Variants in OTUD7A observed in about 807,000 individuals in gnomAD.
The protein encoded by OTUD7A is OTU domain-containing protein 7A.
A neutral mutation model predicts 65.7 loss-of-function variants in OTUD7A; 12 were observed. The observed-to-expected ratio is 0.18, with a 90% confidence interval of 0.12 to 0.30. OTUD7A has a LOEUF of 0.30. Among genes scored for constraint, OTUD7A ranks in the 10% least tolerant of loss-of-function variants. OTUD7A has a pLI of 1.00. For synonymous variants in OTUD7A, 641 were observed against 586.3 expected (o/e 1.09, Z -1.35); for missense variants, 1,148 against 1,304.8 (o/e 0.88, Z 1.85).
chr15:31,825,172 T>C (rs570845614), intron 1 of OTUD7A, among the ~76,000 whole-genome samples: 1 of 152,310 alleles, frequency 6.6e-6, no homozygotes, highest in South Asian at 2.1e-4. Context: ...CAGTCAGTCT[T>C]GTTCAGTCTT....
intron 1 of OTUD7A, among the ~76,000 whole-genome samples, chr15:31,779,530 C>G (rs1032973895): frequency 4.1e-4 from 63 of 152,160 alleles, no homozygotes; most frequent in African/African-American, 1.5e-3. Flanking sequence ...TTCCTGTGTA[C>G]AAGGTAATTG....
intron 1 of OTUD7A, among the ~76,000 whole-genome samples, chr15:31,754,969 T>C (rs890301503): frequency 2.6e-5 from 4 of 151,722 alleles, no homozygotes; most frequent in Admixed American, 2.6e-4. Context: ...TCTAGTTGGC[T>C]GGCACAGAAG....
At chr15:31,682,356 C>T (rs1488326393) in intron 1 of OTUD7A, among the ~76,000 whole-genome samples, 2 of 152,160 alleles carry the variant, frequency 1.3e-5, no homozygotes, top group Non-Finnish European at 2.9e-5. Context: ...AGTCAACATT[C>T]CAGCAGGTTT....
chr15:31,656,890 G>C (rs903697333), intron 2 of OTUD7A, 93 bp downstream of exon 2: 7 of 152,534 alleles, frequency 4.6e-5, no homozygotes, highest in Admixed American at 3.3e-4. Context: ...TGTACCCTCA[G>C]AGACATTCAC....
In OTUD7A at chr15:31,487,532, C is replaced by G. The variant is rs2041255567; in HGVS notation, c.1206G>C (p.Leu402=). 1.2e-6 allele frequency: 2 copies of G among 1,613,936 alleles called. No homozygotes were observed. Among genetic ancestry groups the G allele is most frequent in the Non-Finnish European group, 1.7e-6 (2 of 1,180,022 alleles). ...VIPLTDSEHK[L]LPLHFAVDPG... ...GGTCCACTGCAAAGTGCAGAGGCAG[C>G]AGCTTGTGCTCAGAATCCGTCAGGG... is the stretch of plus-strand genomic sequence containing the variant. Residue 402 remains leucine (L), a synonymous_variant, in exon 11 of 13, where the codon CTG becomes CTC. Coordinates refer to ENST00000307050, the MANE Select transcript of OTUD7A (RefSeq NM_001382637.1). The surrounding 1 kb of genome is among the most constrained non-coding windows in gnomAD (Gnocchi z 6.0).
chr15:31,694,205 G>A (rs1019075100), intron 1 of OTUD7A, among the ~76,000 whole-genome samples: 3 of 152,150 alleles, frequency 2.0e-5, no homozygotes, highest in African/African-American at 4.8e-5. Flanking sequence ...CAGCGCAGGT[G>A]TGTGAAGGGT....
chr15:31,799,745 A>G (rs1202016896), intron 1 of OTUD7A, among the ~76,000 whole-genome samples: 1 of 152,116 alleles, frequency 6.6e-6, no homozygotes. Context: ...TGGCAGCCTG[A>G]GCTTACTAAG....
At chr15:31,624,798 G>T (rs1233325452) in intron 3 of OTUD7A, among the ~76,000 whole-genome samples, 1 of 152,160 alleles carries the variant, frequency 6.6e-6, no homozygotes, top group Non-Finnish European at 1.5e-5. Flanking sequence ...TCAGCAAACT[G>T]CACAGAAACA....
chr15:31,770,970 A>G (rs938262726), intron 1 of OTUD7A, among the ~76,000 whole-genome samples: 1 of 152,214 alleles, frequency 6.6e-6, no homozygotes, highest in African/African-American at 2.4e-5. Context: ...GCAAGTGTGC[A>G]TGCTCTGCAC....
At chr15:31,766,367 A>T (rs1895094519) in intron 1 of OTUD7A, 1 of 1,589,984 alleles carries the variant, frequency 6.3e-7, no homozygotes, top group South Asian at 1.1e-5. Flanking sequence ...ATAACAAACA[A>T]CATAACTGTA....
Position 31,484,157 on chromosome 15 carries a change from G to T in OTUD7A, c.1939C>A (p.Leu647Met). 1 of 1,610,448 alleles carries T rather than the reference G, an allele frequency of 6.2e-7. No individual in the cohort carries two copies. Residue 647 changes from leucine to methionine, a missense_variant, in exon 13 of 13, where the codon CTG (leucine) becomes ATG (methionine). Leu to Met is a conservative substitution (Grantham distance 15). Around this residue, in one of 6 missense-constraint regions of OTUD7A, gnomAD observed 842 missense variants for 769.5 expected, o/e 1.09. Transcript: ENST00000307050. This position sits in a 1 kb window ranked among gnomAD's most constrained non-coding sequence, Gnocchi z 4.5. ...TGGTGCCGGTGGCTGGTGAGCAGCA[G>T]GCCGGCGAAGATGAACTTGCGCTCC... ...QGERKFIFAGLLLTSHRHQFH... is the reference protein window; with the variant it reads ...QGERKFIFAGMLLTSHRHQFH...
At chr15:31,746,715 C>G (rs1042859508) in intron 1 of OTUD7A, among the ~76,000 whole-genome samples, 1 of 152,088 alleles carries the variant, frequency 6.6e-6, no homozygotes, top group African/African-American at 2.4e-5. Flanking sequence ...AGGCTTGTCT[C>G]GAACTCCTGA....
At chr15:31,549,860 T>C (rs8024005) in intron 5 of OTUD7A, among the ~76,000 whole-genome samples, 4,574 of 152,258 alleles carry the variant, frequency 0.03, 231 homozygotes, top group African/African-American at 0.1. Flanking sequence ...GGCTTTGGAC[T>C]GACCCCGTTC....
In OTUD7A at chr15:31,479,944, T is replaced by C. The variant is rs2041091993; in HGVS notation, c.*3350A>G. 6.6e-6 allele frequency: 1 copy of C among 152,162 alleles called. No homozygotes were observed. Among genetic ancestry groups the C allele is most frequent in the South Asian group, 2.1e-4 (1 of 4,822 alleles). The allele number at this position is 152,162 out of a possible 1,614,324, so 9.4% of individuals were successfully genotyped here. ...TATTCATTTAAGAGGAAAGGTGCAG[T>C]ACCAAAATCCATGAACAGAAAAAAG... On this transcript the variant is annotated 3_prime_UTR_variant, in exon 13 of 13. Transcript: ENST00000307050.
chr15:31,603,798 C>A (rs2141213806), intron 3 of OTUD7A, among the ~76,000 whole-genome samples: 1 of 152,260 alleles, frequency 6.6e-6, no homozygotes, highest in South Asian at 2.1e-4. Flanking sequence ...TGAACAGACA[C>A]TTCTCAAAAG....
chr15:31,662,024 A>G (rs1426077299), intron 1 of OTUD7A, among the ~76,000 whole-genome samples: 1 of 152,130 alleles, frequency 6.6e-6, no homozygotes, highest in Non-Finnish European at 1.5e-5. Context: ...GTAAATCAGC[A>G]CTGGGATGTA....
intron 6 of OTUD7A, among the ~76,000 whole-genome samples, chr15:31,528,821 G>A (rs532525336): frequency 6.6e-6 from 1 of 152,386 alleles, no homozygotes; most frequent in South Asian, 2.1e-4. Context: ...TGAATGTCAT[G>A]TGGCAGCTTT....
chr15:31,531,223 T>A (rs1329880495), intron 5 of OTUD7A, among the ~76,000 whole-genome samples: 1 of 152,180 alleles, frequency 6.6e-6, no homozygotes, highest in Admixed American at 6.5e-5. Context: ...AAAACCATTA[T>A]AGTTACATAG....
At chr15:31,755,329 T>C (rs974982821) in intron 1 of OTUD7A, among the ~76,000 whole-genome samples, 13 of 152,170 alleles carry the variant, frequency 8.5e-5, no homozygotes, top group Non-Finnish European at 1.9e-4. Context: ...GCTAGAATGC[T>C]ACAGGGTGAG....
Sources: gnomAD v4.1 joint callset for allele counts (sites outside exome capture counted in the v4.1 genomes callset) on GRCh38, gnomAD v4.1.1 for gene constraint, gnomAD v4.1.1 regional missense constraint, Gnocchi (gnomAD v3.1) non-coding constraint, MANE v1.5 for transcripts, NCBI Gene and HGNC (gene_info 2026-07-23, HGNC 2026-07-21) for gene names.